EFCAB5: variants seen among roughly 807,000 people sequenced by gnomAD.
EFCAB5 encodes EF-hand calcium-binding domain-containing protein 5.
In EFCAB5, 131 loss-of-function variants were observed where a neutral mutation model predicts 167.9. The ratio of observed to expected loss-of-function variants is 0.78; its 90% CI spans 0.68 to 0.90. EFCAB5 has a LOEUF of 0.90. EFCAB5 is among the 40% of genes least tolerant of loss of function. The pLI, the probability that EFCAB5 is intolerant of heterozygous loss-of-function variation, is 0.00. For missense variants in EFCAB5, 1,663 were observed against 1,745.2 expected, an observed-to-expected ratio of 0.95 and a Z score of 0.84; for synonymous variants, 574 against 602.8, an observed-to-expected ratio of 0.95 and a Z score of 0.70.
At chr17:30,100,019 C>G (rs1567779005) in intron 22 of EFCAB5, among the ~76,000 whole-genome samples, 1 of 152,122 alleles carries the variant, frequency 6.6e-6, no homozygotes, top group Non-Finnish European at 1.5e-5. Context: ...ATTTTCTCTC[C>G]TCTTTCCTAA....
chr17:30,073,584 C>T, intron 14 of EFCAB5: 1 of 651,426 alleles, frequency 1.5e-6, no homozygotes. Flanking sequence ...AATACCTCAG[C>T]ATGCATATCA....
intron 7 of EFCAB5, among the ~76,000 whole-genome samples, chr17:30,007,995 C>T (rs143939358): frequency 9.9e-5 from 15 of 152,102 alleles, no homozygotes; most frequent in Admixed American, 5.9e-4. Context: ...AACAAAAAAA[C>T]GAAAAGCTGC....
chr17:29,937,327 C>G (rs938029167), upstream of EFCAB5, among the ~76,000 whole-genome samples: 1 of 152,154 alleles, frequency 6.6e-6, no homozygotes, highest in Non-Finnish European at 1.5e-5. Flanking sequence ...GCTGGGATTA[C>G]AGGCATGTGC....
At chr17:30,105,062 G>A (rs769972901) in intron 22 of EFCAB5, among the ~76,000 whole-genome samples, 41 of 152,308 alleles carry the variant, frequency 2.7e-4, no homozygotes, top group Non-Finnish European at 5.1e-4. Flanking sequence ...GGGAGCAGCA[G>A]AGCTGTTTTG....
chr17:29,949,930 C>A (rs1305286966), intron 3 of EFCAB5, among the ~76,000 whole-genome samples: 1 of 152,174 alleles, frequency 6.6e-6, no homozygotes, highest in Non-Finnish European at 1.5e-5. Flanking sequence ...CCTTAGTTCA[C>A]ATGTGAGTTT....
intron 3 of EFCAB5, chr17:29,950,742 C>T (rs2067492589): frequency 6.6e-6 from 1 of 152,136 alleles, no homozygotes; most frequent in Non-Finnish European, 1.5e-5. Flanking sequence ...GTATATAATA[C>T]ACATAGCATA....
At chr17:30,016,155 C>G (rs987854920) in intron 7 of EFCAB5, among the ~76,000 whole-genome samples, 22 of 151,874 alleles carry the variant, frequency 1.4e-4, no homozygotes, top group Non-Finnish European at 2.8e-4. Context: ...GTATTTTCTC[C>G]CATTCTGTGG....
chr17:29,954,623 A>G (rs1216629504), intron 3 of EFCAB5, among the ~76,000 whole-genome samples: 2 of 152,220 alleles, frequency 1.3e-5, no homozygotes, highest in African/African-American at 4.8e-5. Context: ...TACCTCTACT[A>G]GGGCAGTGTG....
chr17:29,941,036 TA>T (rs1174084817), upstream of EFCAB5, among the ~76,000 whole-genome samples: 129 of 139,646 alleles, frequency 9.2e-4, no homozygotes, highest in South Asian at 7.5e-3. Context: ...TGAGACTCTG[TA>T]AAAAAAAAAA....
chr17:30,052,310 C>T (rs552679563), intron 9 of EFCAB5, among the ~76,000 whole-genome samples: 2 of 152,168 alleles, frequency 1.3e-5, no homozygotes, highest in East Asian at 1.9e-4. Flanking sequence ...GGATTACAGG[C>T]GCCTGCCACC....
chr17:30,060,410 G>A (rs146255471), intron 14 of EFCAB5, among the ~76,000 whole-genome samples: 1 of 152,084 alleles, frequency 6.6e-6, no homozygotes, highest in Admixed American at 6.5e-5. Flanking sequence ...GTATTTACCA[G>A]TCAAAAGCCA....
intron 8 of EFCAB5, among the ~76,000 whole-genome samples, chr17:30,047,762 G>A (rs1411517416): frequency 6.6e-6 from 1 of 152,190 alleles, no homozygotes; most frequent in African/African-American, 2.4e-5. Context: ...TCTACTTACA[G>A]AAAAGCACTA....
intron 14 of EFCAB5, among the ~76,000 whole-genome samples, chr17:30,067,119 T>C (rs2070592938): frequency 1.3e-5 from 2 of 152,224 alleles, no homozygotes; most frequent in South Asian, 4.1e-4. Flanking sequence ...CAAACTCTTT[T>C]AGAAAATTGA....
intron 5 of EFCAB5, 123 bp downstream of exon 5, chr17:29,993,444 TTGACC>T: frequency 6.4e-6 from 6 of 934,502 alleles, no homozygotes; most frequent in Admixed American, 3.4e-5. Context: ...GAGGTAAGTC[TTGACC>T]TGTCTGGTCC....
intron 21 of EFCAB5, 58 bp downstream of exon 21, chr17:30,092,215 C>T: frequency 6.7e-7 from 1 of 1,502,840 alleles, no homozygotes; most frequent in Non-Finnish European, 8.9e-7. Flanking sequence ...ACAAATTTAA[C>T]TGTACAAATC....
At chr17:30,018,462 G>T (rs1393881630) in intron 7 of EFCAB5, among the ~76,000 whole-genome samples, 1 of 147,598 alleles carries the variant, frequency 6.8e-6, no homozygotes, top group African/African-American at 2.5e-5. Context: ...GATTTTTATT[G>T]TTTTTTTTTC....
At chr17:30,065,996 T>C (rs1301786415) in intron 14 of EFCAB5, among the ~76,000 whole-genome samples, 1 of 152,182 alleles carries the variant, frequency 6.6e-6, no homozygotes, top group East Asian at 1.9e-4. Flanking sequence ...TCTAATACAA[T>C]AGTAGTTGGG....
chr17:29,984,647 G>A lies in EFCAB5; in HGVS notation c.768-8518G>A, dbSNP rs1740744048. On this transcript the variant is annotated intron_variant, in intron 4 of 22. Transcript: ENST00000394835. ...GCAGGAGAATTGCTTGAAACTGGAA[G>A]GCAGAGGTTGCAGTGAGCCAAGATT... 2.6e-5 allele frequency among the ~76,000 whole-genome samples: 4 copies of A among 152,104 alleles called. No homozygotes were observed. The South Asian group carries it at 8.3e-4, about 32-fold the overall frequency.
chr17:30,101,601 G>A (rs1261096899), intron 22 of EFCAB5, among the ~76,000 whole-genome samples: 1 of 152,200 alleles, frequency 6.6e-6, no homozygotes, highest in Admixed American at 6.5e-5. Flanking sequence ...GTCTAAGCTG[G>A]AGATATAAAA....
Sources: allele counts gnomAD v4.1 joint callset (sites outside exome capture counted in the v4.1 genomes callset), GRCh38; gene constraint gnomAD v4.1.1; transcripts MANE v1.5; gene names NCBI Gene and HGNC (gene_info 2026-07-23, HGNC 2026-07-21).